Variants in RPS6KC1 observed in about 807,000 individuals in gnomAD.
The protein encoded by RPS6KC1 is ribosomal protein S6 kinase C1, also known as inactive ribosomal protein S6 kinase delta-1.
Under a neutral mutation model 103.8 loss-of-function variants are expected in RPS6KC1, and 54 were observed. That is an observed-to-expected ratio of 0.52 (90% CI 0.42 to 0.65). The LOEUF (loss-of-function observed/expected upper bound fraction) is 0.65. Ranked by LOEUF, RPS6KC1 falls within the 30% of genes least tolerant of loss-of-function variation. The probability of loss-of-function intolerance (pLI) is 0.00; values close to 1 mark genes in which losing one functional copy is unlikely to be tolerated. For synonymous variants in RPS6KC1, 439 were observed against 438.7 expected (o/e 1.00, Z -0.01); for missense variants, 1,151 against 1,253.8 (o/e 0.92, Z 1.24).
chr1:213,787,378 T>A, the RPS6KC1 span, among the ~76,000 whole-genome samples: 1 of 151,754 alleles, frequency 6.6e-6, no homozygotes, highest in Non-Finnish European at 1.5e-5. Context: ...GGGAATAAGG[T>A]GGAGGAGGAA....
chr1:213,599,245 C>T, the RPS6KC1 span, among the ~76,000 whole-genome samples: 1 of 152,114 alleles, frequency 6.6e-6, no homozygotes, highest in Non-Finnish European at 1.5e-5. Context: ...ATCAATAAGG[C>T]AGATAATATT....
intron 8 of RPS6KC1, among the ~76,000 whole-genome samples, chr1:213,181,048 A>G (rs950283389): frequency 3.3e-5 from 5 of 152,198 alleles, no homozygotes; most frequent in Admixed American, 3.3e-4. Context: ...TGAAGGGTAC[A>G]TGAGACTCTT....
intron 4 of RPS6KC1, among the ~76,000 whole-genome samples, chr1:213,110,867 A>G (rs1019294376): frequency 6.6e-6 from 1 of 151,736 alleles, no homozygotes; most frequent in African/African-American, 2.4e-5. Context: ...CTGCAACTTC[A>G]GGTGTGCTGA....
At chr1:213,513,182 G>T in the RPS6KC1 span, among the ~76,000 whole-genome samples, 1 of 150,598 alleles carries the variant, frequency 6.6e-6, no homozygotes, top group Non-Finnish European at 1.5e-5. Flanking sequence ...TGAAGATGAA[G>T]GAGGAGGGCC....
At chr1:213,500,702 G>A in the RPS6KC1 span, among the ~76,000 whole-genome samples, 1 of 152,000 alleles carries the variant, frequency 6.6e-6, no homozygotes, top group Non-Finnish European at 1.5e-5. Context: ...ACTCTTACAG[G>A]GCCACTGTTA....
chr1:213,175,443 G>A (rs1042582476), intron 7 of RPS6KC1, among the ~76,000 whole-genome samples: 1 of 152,126 alleles, frequency 6.6e-6, no homozygotes, highest in African/African-American at 2.4e-5. Flanking sequence ...TAGCAATAAG[G>A]TCTGCTCTAA....
the RPS6KC1 span, among the ~76,000 whole-genome samples, chr1:213,459,938 T>A: frequency 1.3e-5 from 2 of 152,252 alleles, no homozygotes; most frequent in African/African-American, 2.4e-5. Context: ...TTGATTGCAC[T>A]GTGGTCTGAG....
chr1:213,217,133 A>G (rs1394334298), intron 8 of RPS6KC1, among the ~76,000 whole-genome samples: 1 of 151,876 alleles, frequency 6.6e-6, no homozygotes, highest in South Asian at 2.1e-4. Context: ...AGCAAGACTA[A>G]TACAGAAGAA....
intron 8 of RPS6KC1, among the ~76,000 whole-genome samples, chr1:213,213,854 A>G (rs1317555256): frequency 6.6e-6 from 1 of 152,252 alleles, no homozygotes; most frequent in Non-Finnish European, 1.5e-5. Flanking sequence ...AGCTATTATC[A>G]CAATGACAAA....
intron 14 of RPS6KC1, among the ~76,000 whole-genome samples, chr1:213,263,632 AAAATT>A (rs2094848431): frequency 6.6e-6 from 1 of 152,212 alleles, no homozygotes; most frequent in Non-Finnish European, 1.5e-5. Context: ...AGGGAAAACA[AAAATT>A]AAAAGAGGGC....
chr1:213,365,748 G>A, the RPS6KC1 span, among the ~76,000 whole-genome samples: 847 of 152,248 alleles, frequency 5.6e-3, 3 homozygotes, highest in African/African-American at 0.019. Context: ...CCACACCGAT[G>A]TTCTAGAGCA....
At chr1:213,406,287 G>A in the RPS6KC1 span, among the ~76,000 whole-genome samples, 2 of 152,238 alleles carry the variant, frequency 1.3e-5, no homozygotes, top group African/African-American at 2.4e-5. Context: ...TGGACTGGAA[G>A]TTTGATGATG....
At chr1:213,697,914 T>TCTTAG in the RPS6KC1 span, among the ~76,000 whole-genome samples, 2,062 of 152,314 alleles carry the variant, frequency 0.014, 44 homozygotes, top group African/African-American at 0.047. Flanking sequence ...GTAATGATGA[T>TCTTAG]CTTAGCTTGC....
the RPS6KC1 span, among the ~76,000 whole-genome samples, chr1:213,772,182 C>A: frequency 3.3e-5 from 5 of 152,168 alleles, no homozygotes; most frequent in African/African-American, 1.2e-4. Context: ...AGGATAGTAT[C>A]GCTTATCTTC....
chr1:213,064,974 C>CT (rs34664044), intron 1 of RPS6KC1, among the ~76,000 whole-genome samples: 38,983 of 89,704 alleles, frequency 0.43, 12,425 homozygotes, highest in Non-Finnish European at 0.65. Context: ...CGTGCCCGGC[C>CT]TTTTTTTTTT....
chr1:213,269,758 T>A (rs1465198138), intron 14 of RPS6KC1, among the ~76,000 whole-genome samples: 1 of 151,958 alleles, frequency 6.6e-6, no homozygotes, highest in Non-Finnish European at 1.5e-5. Flanking sequence ...CGTAAGAAAC[T>A]ATGAAACAAA....
At chr1:213,304,891 C>G in the RPS6KC1 span, among the ~76,000 whole-genome samples, 6 of 152,142 alleles carry the variant, frequency 3.9e-5, no homozygotes, top group Non-Finnish European at 8.8e-5. Flanking sequence ...TTTCCATGTG[C>G]CACTAAACAT....
chr1:213,423,986 A>G, the RPS6KC1 span, among the ~76,000 whole-genome samples: 1 of 152,238 alleles, frequency 6.6e-6, no homozygotes, highest in Non-Finnish European at 1.5e-5. Context: ...GTTTTGGAGT[A>G]TGTACAGGAT....
the RPS6KC1 span, among the ~76,000 whole-genome samples, chr1:213,351,461 A>T: frequency 3.3e-5 from 5 of 152,194 alleles, no homozygotes; most frequent in Non-Finnish European, 5.9e-5. Context: ...CAGAGAGAAG[A>T]TCTGTGCATC....
Sources: allele counts gnomAD v4.1 joint callset (sites outside exome capture counted in the v4.1 genomes callset), GRCh38; gene constraint gnomAD v4.1.1; transcripts MANE v1.5; gene names NCBI Gene and HGNC (gene_info 2026-07-23, HGNC 2026-07-21).